TMPRSS15: variants seen among roughly 807,000 people sequenced by gnomAD.
TMPRSS15 encodes the protein enteropeptidase.
In TMPRSS15, 128 loss-of-function variants were observed where a neutral mutation model predicts 125.3. The ratio of observed to expected loss-of-function variants is 1.02; its 90% confidence interval spans 0.89 to 1.18. TMPRSS15 has a LOEUF of 1.18. Among genes scored for constraint, TMPRSS15 ranks in the 50% most tolerant of loss-of-function variants. The pLI is 0.00. For synonymous variants in TMPRSS15, 446 were observed against 423.2 expected (o/e 1.05, Z -0.66); for missense variants, 1,283 against 1,212.7 (o/e 1.06, Z -0.86).
chr21:18,419,247 A>G (rs768797599), intron 1 of TMPRSS15, among the ~76,000 whole-genome samples: 5 of 115,836 alleles, frequency 4.3e-5, no homozygotes, highest in Non-Finnish European at 6.7e-5. Flanking sequence ...TTTTTTTGAG[A>G]CGGAGTCTCG....
intron 18 of TMPRSS15, among the ~76,000 whole-genome samples, chr21:18,301,797 T>C (rs2074976407): frequency 1.3e-5 from 2 of 152,216 alleles, no homozygotes; most frequent in South Asian, 4.1e-4. Flanking sequence ...TCTAAGCTTT[T>C]ATTGCCATTT....
rs559640733 is a variant in TMPRSS15, at chr21:18,272,278, T to A, written c.2905-2154A>T. Reference sequence around the variant, plus strand: ...CCATTCTGACTGGCATGAGATGGTATCTCATTGTGGTTTTGATTTGCATTT... The same window carrying A: ...CCATTCTGACTGGCATGAGATGGTAACTCATTGTGGTTTTGATTTGCATTT... On this transcript the variant is annotated intron_variant, in intron 24 of 24. Transcript: ENST00000284885. Among the ~76,000 whole-genome samples the A allele has an allele frequency of 3.3e-5, 5 of 152,312 alleles. No individual in the cohort carries two copies. The East Asian group carries it at 9.6e-4, about 29-fold the overall frequency.
intron 3 of TMPRSS15, among the ~76,000 whole-genome samples, chr21:18,390,224 C>G (rs1186311023): frequency 6.6e-6 from 1 of 152,144 alleles, no homozygotes; most frequent in African/African-American, 2.4e-5. Flanking sequence ...AGTAACATGC[C>G]TGTGCTTTTG....
At chr21:18,447,253 G>C (rs552802447) in intron 1 of TMPRSS15, among the ~76,000 whole-genome samples, 1 of 151,910 alleles carries the variant, frequency 6.6e-6, no homozygotes, top group African/African-American at 2.4e-5. Context: ...AGACCAGCCT[G>C]GCCAATATGG....
At chr21:18,337,182 C>G (rs1214791850) in intron 13 of TMPRSS15, among the ~76,000 whole-genome samples, 4 of 152,138 alleles carry the variant, frequency 2.6e-5, no homozygotes, top group African/African-American at 9.7e-5. Context: ...GTGTGAGGTA[C>G]TGCACCCGGC....
intron 1 of TMPRSS15, among the ~76,000 whole-genome samples, chr21:18,441,010 G>GT (rs1224489181): frequency 2.6e-5 from 4 of 152,134 alleles, no homozygotes; most frequent in Non-Finnish European, 4.4e-5. Flanking sequence ...TATGAAAGTT[G>GT]TGCCAGGTGT....
At chr21:18,485,443 T>C (rs1979060595) in intron 1 of TMPRSS15, among the ~76,000 whole-genome samples, 2 of 152,058 alleles carry the variant, frequency 1.3e-5, no homozygotes, top group Non-Finnish European at 2.9e-5. Flanking sequence ...ATATTAACTA[T>C]TGGCCTTTTG....
At chr21:18,481,572 A>C (rs1978982491) in intron 1 of TMPRSS15, among the ~76,000 whole-genome samples, 1 of 151,804 alleles carries the variant, frequency 6.6e-6, no homozygotes, top group Non-Finnish European at 1.5e-5. Context: ...TGTCAAAAAT[A>C]AAACCTACAG....
chr21:18,286,441 T>C (rs2074766065), intron 21 of TMPRSS15, among the ~76,000 whole-genome samples: 4 of 152,368 alleles, frequency 2.6e-5, no homozygotes, highest in South Asian at 4.1e-4. Context: ...GGATGTCTAA[T>C]AGGCAGTCCC....
chr21:18,340,436 G>T (rs757460512), intron 13 of TMPRSS15, among the ~76,000 whole-genome samples: 50 of 152,098 alleles, frequency 3.3e-4, no homozygotes, highest in Non-Finnish European at 5.9e-4. Context: ...TTGAGGTTTG[G>T]GGACTTGGAC....
chr21:18,345,477 C>T (rs991363330), intron 10 of TMPRSS15, among the ~76,000 whole-genome samples: 1 of 151,838 alleles, frequency 6.6e-6, no homozygotes, highest in African/African-American at 2.4e-5. Flanking sequence ...AGCGGTGGCT[C>T]ACTCCTGTAA....
intron 8 of TMPRSS15, 51 bp downstream of exon 8, chr21:18,359,706 T>C: frequency 1.1e-6 from 1 of 888,570 alleles, no homozygotes; most frequent in Non-Finnish European, 1.8e-6. Flanking sequence ...TCCAAAAATT[T>C]ACCCACATAT....
rs148252765 is a variant in TMPRSS15 at position 18,400,572 on chromosome 21, A to G, written c.146-2243T>C. On this transcript the variant is annotated intron_variant, in intron 1 of 24. Coordinates refer to ENST00000284885, the MANE Select transcript of TMPRSS15 (RefSeq NM_002772.3). ...GATCCCTACCTTTCACCATATACAA[A>G]AATTAACGCAAGATAAATTAAAGAT... 2.6e-3 allele frequency among the ~76,000 whole-genome samples: 391 copies of G among 152,306 alleles called. 2 individuals are homozygous for G. Among genetic ancestry groups the G allele is most frequent in the African/African-American group, 9.0e-3 (373 of 41,584 alleles).
At chr21:18,485,622 T>C (rs1979064608) in intron 1 of TMPRSS15, among the ~76,000 whole-genome samples, 1 of 152,072 alleles carries the variant, frequency 6.6e-6, no homozygotes, top group East Asian at 1.9e-4. Context: ...TTTATTCTTT[T>C]GACATGGTGA....
chr21:18,274,116 G>A, intron 24 of TMPRSS15, among the ~76,000 whole-genome samples: 1 of 152,148 alleles, frequency 6.6e-6, no homozygotes, highest in East Asian at 1.9e-4. Flanking sequence ...AGACATTAAA[G>A]CATTGATATG....
chr21:18,398,656 A>G (rs765552353), intron 1 of TMPRSS15, among the ~76,000 whole-genome samples: 3 of 152,052 alleles, frequency 2.0e-5, no homozygotes, highest in Non-Finnish European at 2.9e-5. Flanking sequence ...GGACTGATGA[A>G]CTCCCACCAA....
chr21:18,293,844 T>G (rs527606468), intron 21 of TMPRSS15, among the ~76,000 whole-genome samples: 126 of 152,352 alleles, frequency 8.3e-4, no homozygotes, highest in African/African-American at 2.4e-3. Flanking sequence ...GAGCACAGTA[T>G]AATTGTAATT....
intron 22 of TMPRSS15, 43 bp downstream of exon 22, chr21:18,280,997 A>C (rs980088699): frequency 6.3e-7 from 1 of 1,585,354 alleles, no homozygotes; most frequent in Non-Finnish European, 8.6e-7. Flanking sequence ...TTTTGAATTA[A>C]TTTTGGCAGA....
Position 18,352,893 on chromosome 21 carries a change from T to C in TMPRSS15, c.1171+10A>G. On this transcript the variant is annotated intron_variant, in intron 10 of 24. Transcript: ENST00000284885. ...AAATCCTTTTGACTTCTGAATTAAA[T>C]GAATTATACCTGAAGCATTGCCAAA... 8 of 1,611,644 alleles carry C rather than the reference T, an allele frequency of 5.0e-6. No homozygotes were observed. Among genetic ancestry groups the C allele is most frequent in the Non-Finnish European group, 6.8e-6 (8 of 1,178,296 alleles).
Sources: allele counts gnomAD v4.1 joint callset (sites outside exome capture counted in the v4.1 genomes callset), GRCh38; gene constraint gnomAD v4.1.1; transcripts MANE v1.5; gene names NCBI Gene and HGNC (gene_info 2026-07-23, HGNC 2026-07-21).